The following TTC17 variants were observed in gnomAD, a reference collection of about 807,000 sequenced individuals.
The protein encoded by TTC17 is tetratricopeptide repeat protein 17.
In TTC17, 58 loss-of-function variants were observed where a neutral mutation model predicts 143.8. That is an observed-to-expected ratio of 0.40 (90% CI 0.33 to 0.50). TTC17 has a LOEUF of 0.50. Ranked by LOEUF, TTC17 falls within the 20% of genes least tolerant of loss-of-function variation. The pLI is 0.49. For missense variants in TTC17, 1,273 were observed against 1,392.5 expected, an observed-to-expected ratio of 0.91 and a Z score of 1.37; for synonymous variants, 501 against 497.8, an observed-to-expected ratio of 1.01 and a Z score of -0.09.
chr11:43,483,580 A>C (rs1041099640), intron 21 of TTC17, among the ~76,000 whole-genome samples: 27 of 152,240 alleles, frequency 1.8e-4, no homozygotes, highest in African/African-American at 6.3e-4. Context: ...CTCTAGGAAA[A>C]CGCAAAATTT....
intron 5 of TTC17, chr11:43,395,615 A>T (rs1857557481): frequency 6.6e-6 from 1 of 152,348 alleles, no homozygotes; most frequent in South Asian, 2.1e-4. Flanking sequence ...ATCTGCTCAT[A>T]GTGTTAAAAT....
intron 16 of TTC17, among the ~76,000 whole-genome samples, chr11:43,426,762 C>G (rs1316878439): frequency 6.6e-6 from 1 of 152,110 alleles, no homozygotes; most frequent in East Asian, 1.9e-4. Flanking sequence ...AGATACTGTC[C>G]TTGTAATTCA....
At chr11:43,392,611 T>C (rs1334662650) in intron 5 of TTC17, among the ~76,000 whole-genome samples, 1 of 152,214 alleles carries the variant, frequency 6.6e-6, no homozygotes, top group East Asian at 1.9e-4. Context: ...TGAGAGGAAT[T>C]TTCAGATAAA....
At chr11:43,382,503 ATAAAT>A (rs1177251568) in intron 2 of TTC17, among the ~76,000 whole-genome samples, 1 of 152,246 alleles carries the variant, frequency 6.6e-6, no homozygotes, top group African/African-American at 2.4e-5. Context: ...AAATAACTGA[ATAAAT>A]TAAAATCCTA....
chr11:43,382,087 T>C (rs569208105), intron 2 of TTC17, among the ~76,000 whole-genome samples: 1 of 152,302 alleles, frequency 6.6e-6, no homozygotes, highest in East Asian at 1.9e-4. Flanking sequence ...AAACAGTTTA[T>C]CTACCAAGTA....
rs913116536 is a variant in TTC17 at position 43,407,219 on chromosome 11, A to G, written c.1839+4A>G. Reference sequence around the variant, plus strand: ...CTTATTTCATGCTATTAATAAGGTGAGTCATTTACTTTAGACATCTAAAAC... The same window carrying G: ...CTTATTTCATGCTATTAATAAGGTGGGTCATTTACTTTAGACATCTAAAAC... On this transcript the variant is annotated splice_donor_region_variant and intron_variant, in intron 14 of 23. Transcript: ENST00000039989. 6.3e-7 allele frequency: 1 copy of G among 1,585,328 alleles called. No homozygotes were observed. The highest frequency in any genetic ancestry group is 1.4e-5 in the African/African-American group (1 of 73,448).
chr11:43,478,682 G>A (rs916195871), intron 21 of TTC17, among the ~76,000 whole-genome samples: 10 of 152,058 alleles, frequency 6.6e-5, no homozygotes, highest in Non-Finnish European at 1.3e-4. Flanking sequence ...GTCTTAGCTC[G>A]CTGCAGCCTC....
At chr11:43,446,174 C>T (rs1314985734) in intron 18 of TTC17, 6 of 1,312,618 alleles carry the variant, frequency 4.6e-6, no homozygotes, top group Admixed American at 6.4e-5. Context: ...ATGTTTTTAC[C>T]TCAGTGCCTT....
intron 16 of TTC17, among the ~76,000 whole-genome samples, chr11:43,433,432 T>C (rs924916265): frequency 5.9e-5 from 9 of 152,212 alleles, no homozygotes; most frequent in Non-Finnish European, 1.2e-4. Context: ...TCTTACTCTT[T>C]TTTTATTCCT....
chr11:43,365,333 A>C (rs1270933510), intron 1 of TTC17, among the ~76,000 whole-genome samples: 1 of 151,940 alleles, frequency 6.6e-6, no homozygotes, highest in Non-Finnish European at 1.5e-5. Context: ...CAGTGGCATG[A>C]TTATGGCTCA....
chr11:43,483,024 T>C (rs1948315991), intron 21 of TTC17, among the ~76,000 whole-genome samples: 1 of 152,142 alleles, frequency 6.6e-6, no homozygotes, highest in East Asian at 1.9e-4. Flanking sequence ...ACTATGGTTA[T>C]ATCAAATTAA....
chr11:43,461,958 A>G (rs780796063), intron 21 of TTC17, among the ~76,000 whole-genome samples: 17 of 152,188 alleles, frequency 1.1e-4, no homozygotes, highest in African/African-American at 1.7e-4. Context: ...GATTAATCCA[A>G]AGGAAGTCAA....
At chr11:43,460,290 TTA>T (rs1006001879) in intron 21 of TTC17, among the ~76,000 whole-genome samples, 1 of 152,180 alleles carries the variant, frequency 6.6e-6, no homozygotes, top group Admixed American at 6.5e-5. Context: ...GAAAAATTGC[TTA>T]TCACTTTCAG....
chr11:43,395,521 A>C (rs1407043202), intron 5 of TTC17: 2 of 152,244 alleles, frequency 1.3e-5, no homozygotes, highest in African/African-American at 4.8e-5. Context: ...AAGGCCATCA[A>C]AAAGAAAACT....
chr11:43,459,716 T>C (rs1475510322), intron 21 of TTC17, among the ~76,000 whole-genome samples: 4 of 152,260 alleles, frequency 2.6e-5, no homozygotes, highest in African/African-American at 9.6e-5. Context: ...AGAATTCTTT[T>C]ACTTTAGGAT....
intron 16 of TTC17, among the ~76,000 whole-genome samples, chr11:43,432,859 A>C (rs1690008840): frequency 1.3e-5 from 2 of 152,198 alleles, no homozygotes; most frequent in Admixed American, 1.3e-4. Flanking sequence ...GTTCTTCTGA[A>C]ATACTTCACC....
chr11:43,372,482 T>TA (rs1554983137), intron 1 of TTC17, among the ~76,000 whole-genome samples: 4 of 145,854 alleles, frequency 2.7e-5, no homozygotes, highest in Non-Finnish European at 6.0e-5. Context: ...TATTTTTATT[T>TA]TTTATTTATT....
rs2291271 is a variant in TTC17 at position 43,444,015 on chromosome 11, T to A, written c.2512-41T>A. 654 of 1,557,400 alleles carry A rather than the reference T, an allele frequency of 4.2e-4. 6 individuals carry two copies. The East Asian group carries it at 9.0e-3, about 22-fold the overall frequency. On this transcript the variant is annotated intron_variant, in intron 17 of 23. Transcript: ENST00000039989. ...ATTCACAAATCATTGACAGATTTGA[T>A]CACTGGTCTCATTTGTCCCTAACAT...
chr11:43,473,312 A>G (rs996256191), intron 21 of TTC17, among the ~76,000 whole-genome samples: 1 of 152,236 alleles, frequency 6.6e-6, no homozygotes, highest in African/African-American at 2.4e-5. Context: ...TGTAAAAGAT[A>G]TGGTATATCA....
Sources: gnomAD v4.1 joint callset for allele counts (sites outside exome capture counted in the v4.1 genomes callset) on GRCh38, gnomAD v4.1.1 for gene constraint, MANE v1.5 for transcripts, NCBI Gene and HGNC (gene_info 2026-07-23, HGNC 2026-07-21) for gene names.